The following RASAL2 variants were observed in gnomAD, a reference collection of about 807,000 sequenced individuals.
RASAL2 encodes the protein ras GTPase-activating protein nGAP.
In RASAL2, 58 loss-of-function variants were observed where a neutral mutation model predicts 128.9. The ratio of observed to expected loss-of-function variants is 0.45; its 90% CI spans 0.36 to 0.56. RASAL2 has a LOEUF of 0.56. RASAL2 is among the 20% of genes least tolerant of loss of function. The probability of loss-of-function intolerance (pLI) is 0.00; values close to 1 mark genes in which losing one functional copy is unlikely to be tolerated. For synonymous variants in RASAL2, 561 were observed against 580.8 expected (o/e 0.97, Z 0.49); for missense variants, 1,360 against 1,601.6 (o/e 0.85, Z 2.57).
At chr1:178,136,865 C>T (rs571912587) in intron 1 of RASAL2, among the ~76,000 whole-genome samples, 1 of 150,316 alleles carries the variant, frequency 6.7e-6, no homozygotes, top group Admixed American at 6.6e-5. Flanking sequence ...AGGTCTAGTC[C>T]TATCCCTGCA....
chr1:178,153,252 G>C (rs1254072224), intron 1 of RASAL2, among the ~76,000 whole-genome samples: 1 of 152,008 alleles, frequency 6.6e-6, no homozygotes, highest in African/African-American at 2.4e-5. Context: ...TTTATAGTTA[G>C]ATCCACAAGC....
At chr1:178,167,880 G>A (rs372128239) in intron 1 of RASAL2, among the ~76,000 whole-genome samples, 2 of 152,022 alleles carry the variant, frequency 1.3e-5, no homozygotes, top group South Asian at 4.1e-4. Context: ...CTCAAGGATT[G>A]ACTGTTGTTG....
Position 178,283,610 on chromosome 1 carries a change from C to T in RASAL2, c.249C>T (p.Pro83=), listed in dbSNP as rs769708256. The T allele has an allele frequency of 2.5e-6, 4 of 1,613,852 alleles. No homozygotes were observed. The highest frequency in any genetic ancestry group is 3.4e-6 in the Non-Finnish European group (4 of 1,179,940). ...PTHRLSCGQS[P]YTETTTWERK... is the part of the protein sequence containing the mutation. ...ACCGTCTGTCTTGTGGTCAGTCACCCTACACCGAGACAACAACGTGGGAGC... is the reference window on the plus strand; with the variant it reads ...ACCGTCTGTCTTGTGGTCAGTCACCTTACACCGAGACAACAACGTGGGAGC... The change falls in exon 2 of 18, where the codon CCC becomes CCT. Residue 83 remains proline, a synonymous_variant. Coordinates refer to ENST00000367649, the MANE Select transcript of RASAL2 (RefSeq NM_170692.4).
At chr1:178,250,762 T>G (rs1476413124) in intron 1 of RASAL2, among the ~76,000 whole-genome samples, 5 of 152,322 alleles carry the variant, frequency 3.3e-5, no homozygotes, top group African/African-American at 1.2e-4. Context: ...CAGTGAACAC[T>G]TATAAGCAAA....
At chr1:178,103,723 C>T (rs969393230) in intron 1 of RASAL2, among the ~76,000 whole-genome samples, 4 of 151,860 alleles carry the variant, frequency 2.6e-5, no homozygotes, top group African/African-American at 9.7e-5. Flanking sequence ...TTTGTAGGAA[C>T]TATTAGTATA....
chr1:178,125,839 C>T (rs1659879347), intron 1 of RASAL2, among the ~76,000 whole-genome samples: 1 of 152,058 alleles, frequency 6.6e-6, no homozygotes, highest in African/African-American at 2.4e-5. Flanking sequence ...TCTAGAATAG[C>T]AGAGAGTTCA....
At chr1:178,452,711 A>T in intron 11 of RASAL2, 59 bp downstream of exon 11, 8 of 1,415,878 alleles carry the variant, frequency 5.7e-6, no homozygotes, top group Non-Finnish European at 7.9e-6. Flanking sequence ...TTGAGGCCTA[A>T]AATTTGGATG....
chr1:178,284,077 A>G (rs931073072), intron 2 of RASAL2, among the ~76,000 whole-genome samples: 8 of 152,202 alleles, frequency 5.3e-5, no homozygotes, highest in African/African-American at 1.9e-4. Context: ...TGGAGGGACT[A>G]TTTGCAGATG....
chr1:178,389,057 C>T (rs1281567227), intron 3 of RASAL2, among the ~76,000 whole-genome samples: 1 of 152,106 alleles, frequency 6.6e-6, no homozygotes, highest in Non-Finnish European at 1.5e-5. Flanking sequence ...ATCCCAGGGG[C>T]CAGGAGGCCA....
intron 1 of RASAL2, among the ~76,000 whole-genome samples, chr1:178,196,370 G>C (rs1159125783): frequency 1.3e-5 from 2 of 152,002 alleles, no homozygotes; most frequent in Admixed American, 6.6e-5. Context: ...TTAAAATTCA[G>C]AATAAAGAAC....
At chr1:178,115,918 GAT>G (rs1659506757) in intron 1 of RASAL2, among the ~76,000 whole-genome samples, 1 of 152,154 alleles carries the variant, frequency 6.6e-6, no homozygotes, top group South Asian at 2.1e-4. Flanking sequence ...TATTGGGAGA[GAT>G]AGAGAGATGT....
intron 1 of RASAL2, among the ~76,000 whole-genome samples, chr1:178,116,927 A>G (rs576734487): frequency 2.0e-5 from 3 of 152,180 alleles, no homozygotes; most frequent in South Asian, 2.1e-4. Context: ...GTAATTTTTG[A>G]TTTATCAGTC....
chr1:178,306,381 A>G (rs1236541375), intron 3 of RASAL2, among the ~76,000 whole-genome samples: 1 of 152,202 alleles, frequency 6.6e-6, no homozygotes, highest in Non-Finnish European at 1.5e-5. Flanking sequence ...TCTTTATAGC[A>G]GCATGATTTA....
At chr1:178,470,600 GGTGGAGAACA>G in intron 17 of RASAL2, 1 of 1,026,114 alleles carries the variant, frequency 9.7e-7, no homozygotes, top group Non-Finnish European at 1.4e-6. Flanking sequence ...ATGTGACTCA[GGTGGAGAACA>G]GAGAAGGGCT....
chr1:178,395,453 G>A (rs117615659), intron 4 of RASAL2, among the ~76,000 whole-genome samples: 2 of 152,184 alleles, frequency 1.3e-5, no homozygotes, highest in East Asian at 3.9e-4. Flanking sequence ...TTGCCTGTTA[G>A]TTGCCCTTCT....
At chr1:178,094,784 C>T in intron 1 of RASAL2, 90 bp downstream of exon 1, 3 of 1,481,920 alleles carry the variant, frequency 2.0e-6, no homozygotes, top group Non-Finnish European at 2.8e-6. Context: ...CATTCCCAGT[C>T]CTCATCCGTG....
intron 3 of RASAL2, chr1:178,341,699 T>C: frequency 6.4e-7 from 1 of 1,562,396 alleles, no homozygotes; most frequent in Non-Finnish European, 8.8e-7. Context: ...GCAGTGACTA[T>C]TTACCTTTAT....
At chr1:178,210,277 A>T (rs1663207719) in intron 1 of RASAL2, among the ~76,000 whole-genome samples, 1 of 152,130 alleles carries the variant, frequency 6.6e-6, no homozygotes, top group Non-Finnish European at 1.5e-5. Context: ...TTATTGTCTT[A>T]TATATTGTAA....
intron 4 of RASAL2, among the ~76,000 whole-genome samples, chr1:178,393,202 T>A (rs766578052): frequency 3.3e-5 from 5 of 152,186 alleles, no homozygotes; most frequent in African/African-American, 7.2e-5. Context: ...TTGGGGATGA[T>A]TGAAGTGCAT....
Sources: gnomAD v4.1 joint callset for allele counts (sites outside exome capture counted in the v4.1 genomes callset) on GRCh38, gnomAD v4.1.1 for gene constraint, MANE v1.5 for transcripts, NCBI Gene and HGNC (gene_info 2026-07-23, HGNC 2026-07-21) for gene names.